The following FGD4 variants were observed in gnomAD, a reference collection of about 807,000 sequenced individuals.
FGD4 encodes FYVE, RhoGEF and PH domain-containing protein 4.
Under a neutral mutation model 102.0 loss-of-function variants are expected in FGD4, and 42 were observed. That is an observed-to-expected ratio of 0.41 (90% CI 0.32 to 0.53). FGD4 has a LOEUF of 0.53. Among genes scored for constraint, FGD4 ranks in the 20% least tolerant of loss-of-function variants. The probability of loss-of-function intolerance (pLI) is 0.21; values close to 1 mark genes in which losing one functional copy is unlikely to be tolerated. For missense variants in FGD4, 902 were observed against 1,078.2 expected (o/e 0.84, Z 2.29); for synonymous variants, 380 against 375.7 (o/e 1.01, Z -0.13).
intron 14 of FGD4, among the ~76,000 whole-genome samples, chr12:32,627,773 G>C (rs1215034724): frequency 6.6e-6 from 1 of 152,166 alleles, no homozygotes; most frequent in Non-Finnish European, 1.5e-5. Context: ...AACACTGGAA[G>C]AGAAGGGAAG....
intron 1 of FGD4, among the ~76,000 whole-genome samples, chr12:32,555,095 T>C (rs192183624): frequency 6.6e-6 from 1 of 152,320 alleles, no homozygotes; most frequent in East Asian, 1.9e-4. Context: ...ACTGCTGTAA[T>C]TCAGTTAAAA....
chr12:32,456,759 G>C (rs1942958532), intron 1 of FGD4, among the ~76,000 whole-genome samples: 1 of 152,266 alleles, frequency 6.6e-6, no homozygotes, highest in Non-Finnish European at 1.5e-5. Context: ...AATTAGAGCT[G>C]CTGTATATTT....
intron 1 of FGD4, among the ~76,000 whole-genome samples, chr12:32,466,870 A>C (rs960067923): frequency 1.4e-5 from 2 of 146,020 alleles, no homozygotes; most frequent in African/African-American, 5.2e-5. Context: ...TCTGTCTCAA[A>C]AAAAAAAAAA....
chr12:32,501,601 T>C (rs889042874), intron 1 of FGD4, among the ~76,000 whole-genome samples: 1 of 152,232 alleles, frequency 6.6e-6, no homozygotes, highest in Admixed American at 6.5e-5. Context: ...TAAAAATGAA[T>C]GTATGTTTGC....
intron 1 of FGD4, among the ~76,000 whole-genome samples, chr12:32,541,654 G>A (rs1942841929): frequency 1.3e-5 from 2 of 152,140 alleles, no homozygotes; most frequent in African/African-American, 4.8e-5. Context: ...GTTAGCCACC[G>A]TGCCCGGCCA....
At chr12:32,469,041 G>A (rs1011450743) in intron 1 of FGD4, among the ~76,000 whole-genome samples, 3 of 152,002 alleles carry the variant, frequency 2.0e-5, no homozygotes, top group African/African-American at 7.3e-5. Context: ...GGCCAGGCTG[G>A]TCTCGAACTC....
chr12:32,602,420 T>C, intron 7 of FGD4, 103 bp downstream of exon 7: 1 of 1,355,140 alleles, frequency 7.4e-7, no homozygotes, highest in Non-Finnish European at 1.0e-6. Flanking sequence ...CTGAGATACC[T>C]AGCCAAAATT....
chr12:32,627,606 A>G (rs1000482062), intron 14 of FGD4, among the ~76,000 whole-genome samples: 4 of 152,152 alleles, frequency 2.6e-5, no homozygotes, highest in African/African-American at 9.7e-5. Flanking sequence ...CTAGTAGAGA[A>G]ACAAAGGTGG....
chr12:32,410,112 A>G (rs955265635), intron 1 of FGD4, among the ~76,000 whole-genome samples: 1 of 151,776 alleles, frequency 6.6e-6, no homozygotes, highest in Non-Finnish European at 1.5e-5. Context: ...GTGGATCATG[A>G]GGTCAGGAGA....
At chr12:32,605,145 G>C (rs1255701083) in intron 7 of FGD4, among the ~76,000 whole-genome samples, 1 of 150,946 alleles carries the variant, frequency 6.6e-6, no homozygotes. Context: ...CGCCATGTTG[G>C]CCAGGCTGGT....
chr12:32,617,870 C>T (rs748814282), intron 10 of FGD4, among the ~76,000 whole-genome samples: 2 of 152,270 alleles, frequency 1.3e-5, no homozygotes, highest in African/African-American at 4.8e-5. Flanking sequence ...TTCTATCGTG[C>T]GGGAGCTCCC....
intron 4 of FGD4, among the ~76,000 whole-genome samples, chr12:32,592,431 G>T (rs897478807): frequency 2.6e-5 from 4 of 151,894 alleles, no homozygotes; most frequent in Admixed American, 2.6e-4. Flanking sequence ...TTCAGTAGAA[G>T]AAAATGGGAT....
At chr12:32,618,488 TAATA>T (rs1259378764) in intron 10 of FGD4, among the ~76,000 whole-genome samples, 2 of 110,682 alleles carry the variant, frequency 1.8e-5, no homozygotes, top group African/African-American at 7.9e-5. Flanking sequence ...AGATTTGAAC[TAATA>T]AATAGGCTAT....
At chr12:32,534,556 T>C (rs1027880562) in intron 1 of FGD4, 1 of 1,090,250 alleles carries the variant, frequency 9.2e-7, no homozygotes, top group East Asian at 2.8e-5. Context: ...TGGGTCACTT[T>C]ATAACACTGC....
At chr12:32,602,750 C>T (rs1040573609) in intron 7 of FGD4, among the ~76,000 whole-genome samples, 29 of 152,130 alleles carry the variant, frequency 1.9e-4, no homozygotes, top group African/African-American at 7.0e-4. Context: ...GAATAACATA[C>T]TTTAATAATA....
intron 10 of FGD4, among the ~76,000 whole-genome samples, chr12:32,615,218 A>G (rs1949376444): frequency 6.6e-6 from 1 of 152,210 alleles, no homozygotes; most frequent in South Asian, 2.1e-4. Flanking sequence ...TGCCAGTTAC[A>G]ACAGACCATA....
intron 1 of FGD4, among the ~76,000 whole-genome samples, chr12:32,412,383 T>C (rs1941242689): frequency 6.6e-6 from 1 of 152,212 alleles, no homozygotes; most frequent in South Asian, 2.1e-4. Flanking sequence ...CTATTCCTAA[T>C]ACCTGTTGAT....
intron 1 of FGD4, among the ~76,000 whole-genome samples, chr12:32,405,134 C>T (rs1268451432): frequency 1.3e-5 from 2 of 151,840 alleles, no homozygotes; most frequent in Non-Finnish European, 2.9e-5. Context: ...GGGGTTTCAC[C>T]GTGTTAGCCA....
At chr12:32,449,784 C>G (rs1942718303) in intron 1 of FGD4, among the ~76,000 whole-genome samples, 1 of 152,076 alleles carries the variant, frequency 6.6e-6, no homozygotes, top group East Asian at 1.9e-4. Context: ...GTTGCCCAGC[C>G]TAAAGTGCAG....
Sources: allele counts gnomAD v4.1 joint callset (sites outside exome capture counted in the v4.1 genomes callset), GRCh38; gene constraint gnomAD v4.1.1; transcripts MANE v1.5; gene names NCBI Gene and HGNC (gene_info 2026-07-23, HGNC 2026-07-21).